The following MAPKAPK5 variants were observed in gnomAD, a reference collection of about 807,000 sequenced individuals.
MAPKAPK5 encodes the protein MAPK activated protein kinase 5, also known as MAP kinase-activated protein kinase 5.
Under a neutral mutation model 65.1 loss-of-function variants are expected in MAPKAPK5, and 30 were observed. The observed-to-expected ratio is 0.46, with a 90% CI of 0.34 to 0.63. MAPKAPK5 has a LOEUF of 0.63. Among genes scored for constraint, MAPKAPK5 ranks in the 20% least tolerant of loss-of-function variants. The pLI is 0.01. For synonymous variants in MAPKAPK5, 179 were observed against 204.6 expected (o/e 0.87, Z 1.07); for missense variants, 433 against 581.4 (o/e 0.74, Z 2.63).
chr12:111,861,035 T>C (rs981115396), intron 1 of MAPKAPK5, among the ~76,000 whole-genome samples: 4 of 151,468 alleles, frequency 2.6e-5, no homozygotes, highest in African/African-American at 7.3e-5. Context: ...GGTGGGCACC[T>C]GTAATACCAG....
intron 4 of MAPKAPK5, among the ~76,000 whole-genome samples, chr12:111,867,924 A>G (rs1348749332): frequency 6.6e-6 from 1 of 152,204 alleles, no homozygotes; most frequent in African/African-American, 2.4e-5. Context: ...TCTTGTGGCC[A>G]GTCTAATTTC....
Position 111,899,666 on chromosome 12 carries a change from G to A in MAPKAPK5, c.*6605G>A, listed in dbSNP as rs368556564. The A allele has an allele frequency of 3.4e-6, 1 of 296,178 alleles. No homozygotes were observed. 18.3% of individuals were successfully genotyped at this position (296,178 alleles called of 1,614,324 possible). A position where few individuals can be genotyped will look rare whatever the true frequency, so the allele number is the denominator to read the frequency against. Reference sequence around the variant, plus strand: ...ACAGTTACCACAATGGCCTCCTGGGGCAAGAATCGCCTTTCATCTCACATG... The same window carrying A: ...ACAGTTACCACAATGGCCTCCTGGGACAAGAATCGCCTTTCATCTCACATG... On this transcript the variant is annotated 3_prime_UTR_variant, in exon 14 of 14. Transcript: ENST00000550735.
chr12:111,856,132 G>A lies in MAPKAPK5; in HGVS notation c.37-9118G>A, dbSNP rs141526459. On this transcript the variant is annotated intron_variant, in intron 1 of 13. Coordinates refer to ENST00000550735, the MANE Select transcript of MAPKAPK5 (RefSeq NM_003668.4). The stretch of plus-strand genomic sequence containing the variant: ...GGCCTCCCAAAGTGCTGGGATTACA[G>A]GCGTGAGCCACTGTGTCCAGTCGTG... Among the ~76,000 whole-genome samples the A allele has an allele frequency of 3.5e-3, 534 of 152,128 alleles. 4 individuals carry two copies. The highest frequency in any genetic ancestry group is 0.012 in the African/African-American group (508 of 41,522).
chr12:111,873,870 G>A (rs538150956), intron 7 of MAPKAPK5, among the ~76,000 whole-genome samples: 73 of 152,244 alleles, frequency 4.8e-4, no homozygotes, highest in Middle Eastern at 3.4e-3. Context: ...TAACAGAAAA[G>A]CCTCCTGGGA....
chr12:111,864,597 C>T (rs1426611669), intron 1 of MAPKAPK5, among the ~76,000 whole-genome samples: 1 of 152,018 alleles, frequency 6.6e-6, no homozygotes, highest in Non-Finnish European at 1.5e-5. Flanking sequence ...AATAGTTAGC[C>T]AAGAATTCCA....
Position 111,868,821 on chromosome 12 carries a change from G to C in MAPKAPK5, c.353G>C (p.Arg118Pro). The C allele has an allele frequency of 6.4e-7, 1 of 1,567,060 alleles. No homozygotes were observed. ...CTATTTCACAGAATCAGCCAGCACC[G>C]GCACTTTACAGAGAAGCAAGCCAGC... ...GELFHRISQH[R>P]HFTEKQASQV... Residue 118 changes from arginine to proline, a missense_variant, in exon 5 of 14, where the codon CGG becomes CCG. By Grantham distance (103) the Arg-to-Pro change is moderately radical (BLOSUM62 -2). Around this residue, in one of 3 missense-constraint regions of MAPKAPK5, gnomAD observed 165 missense variants for 180.0 expected, o/e 0.92. Coordinates refer to ENST00000550735, the MANE Select transcript of MAPKAPK5 (RefSeq NM_003668.4).
chr12:111,849,193 G>C (rs944291127), intron 1 of MAPKAPK5, among the ~76,000 whole-genome samples: 9 of 151,548 alleles, frequency 5.9e-5, no homozygotes, highest in African/African-American at 2.2e-4. Context: ...CGATCTGCCT[G>C]CCTCAGCCTC....
intron 4 of MAPKAPK5, 100 bp from the exon 5 acceptor site, chr12:111,868,653 G>A: frequency 2.3e-6 from 2 of 853,578 alleles, no homozygotes; most frequent in South Asian, 1.6e-5. Flanking sequence ...ACACTTTGTA[G>A]ATGCAGTATC....
chr12:111,864,450 T>G (rs2136102440), intron 1 of MAPKAPK5, among the ~76,000 whole-genome samples: 1 of 152,328 alleles, frequency 6.6e-6, no homozygotes, highest in East Asian at 1.9e-4. Context: ...TCTGCCTGCC[T>G]TGGCCTCCTA....
intron 6 of MAPKAPK5, 85 bp downstream of exon 6, chr12:111,870,445 T>C (rs2069747247): frequency 3.6e-6 from 4 of 1,123,666 alleles, no homozygotes; most frequent in Non-Finnish European, 5.2e-6. Context: ...TCTGAATTCA[T>C]GGTGAAAAAG....
rs1195026912 is a variant in MAPKAPK5, at chr12:111,899,991, C to T, written c.*6930C>T. 8 of 455,924 alleles carry T rather than the reference C, an allele frequency of 1.8e-5. No homozygotes were observed. The highest frequency in any genetic ancestry group is 6.0e-5 in the African/African-American group (3 of 50,050). The allele number at this position is 455,924 out of a possible 1,614,324, so 28.2% of individuals were successfully genotyped here. A position where few individuals can be genotyped will look rare whatever the true frequency, so the allele number is the denominator to read the frequency against. Reference sequence around the variant, plus strand: ...GATGTTTGTCGTGGTCAACAACCAGCGGTTCCAGATGTGGGGCAGTAACGT... The same window carrying T: ...GATGTTTGTCGTGGTCAACAACCAGTGGTTCCAGATGTGGGGCAGTAACGT... On this transcript the variant is annotated 3_prime_UTR_variant, in exon 14 of 14. Coordinates refer to ENST00000550735, the MANE Select transcript of MAPKAPK5 (RefSeq NM_003668.4).
At chr12:111,844,764 T>C (rs1016603299) in intron 1 of MAPKAPK5, among the ~76,000 whole-genome samples, 1 of 152,302 alleles carries the variant, frequency 6.6e-6, no homozygotes, top group South Asian at 2.1e-4. Context: ...GAGGTGACAC[T>C]GTAGAGTTCT....
chr12:111,868,150 C>G (rs1230532545), intron 4 of MAPKAPK5, among the ~76,000 whole-genome samples: 1 of 152,182 alleles, frequency 6.6e-6, no homozygotes, highest in Non-Finnish European at 1.5e-5. Flanking sequence ...CAACATTATT[C>G]TTTTAGTTAC....
rs1197137688 is a variant in MAPKAPK5, at chr12:111,902,026, ATT to A, written c.*8967_*8968del. 1 of 152,500 alleles carries A rather than the reference ATT, an allele frequency of 6.6e-6. No homozygotes were observed. Among genetic ancestry groups the A allele is most frequent in the African/African-American group, 2.4e-5 (1 of 41,428 alleles). 9.4% of individuals were successfully genotyped at this position (152,500 alleles called of 1,614,324 possible). ...ACTTTTTCAGGACATGCTATCTTCTATTTGTTTGACATACAGAATCATATGTA... is the reference window on the plus strand; with the variant it reads ...ACTTTTTCAGGACATGCTATCTTCTATGTTTGACATACAGAATCATATGTA... On this transcript the variant is annotated 3_prime_UTR_variant, in exon 14 of 14. Coordinates refer to ENST00000550735, the MANE Select transcript of MAPKAPK5 (RefSeq NM_003668.4).
chr12:111,853,826 C>T (rs534145900), intron 1 of MAPKAPK5, among the ~76,000 whole-genome samples: 52 of 152,260 alleles, frequency 3.4e-4, no homozygotes, highest in South Asian at 1.2e-3. Flanking sequence ...TAAGCCACTA[C>T]GCCCGGCCTG....
chr12:111,892,466 T>G (rs1028834821), intron 13 of MAPKAPK5, among the ~76,000 whole-genome samples: 1 of 152,204 alleles, frequency 6.6e-6, no homozygotes, highest in South Asian at 2.1e-4. Context: ...TTAAAAAATC[T>G]TCGTTATCCT....
rs919138608 is a variant in MAPKAPK5, at chr12:111,894,764, A to ATATG, written c.*1705_*1708dup. 2 of 109,530 alleles carry ATATG rather than the reference A, an allele frequency of 1.8e-5. No homozygotes were observed. Among genetic ancestry groups the ATATG allele is most frequent in the Admixed American group, 1.9e-4 (2 of 10,510 alleles). The allele number at this position is 109,530 out of a possible 1,614,324, so 6.8% of individuals were successfully genotyped here. A position where few individuals can be genotyped will look rare whatever the true frequency, so the allele number is the denominator to read the frequency against. On this transcript the variant is annotated 3_prime_UTR_variant, in exon 14 of 14. Coordinates refer to ENST00000550735, the MANE Select transcript of MAPKAPK5 (RefSeq NM_003668.4). ...TTCCATAACAAACCAATTTTCGTGT[A>ATATG]TATGTGTGTGTGTGTGTGTGTGTGT... is the stretch of plus-strand genomic sequence containing the variant.
rs889824051 is a variant in MAPKAPK5, at chr12:111,900,598, C to T, written c.*7537C>T. 5 of 455,990 alleles carry T rather than the reference C, an allele frequency of 1.1e-5. No homozygotes were observed. The highest frequency in any genetic ancestry group is 4.7e-5 in the Admixed American group (2 of 42,554). The allele number at this position is 455,990 out of a possible 1,614,324, so 28.2% of individuals were successfully genotyped here. A position where few individuals can be genotyped will look rare whatever the true frequency, so the allele number is the denominator to read the frequency against. The stretch of plus-strand genomic sequence containing the variant: ...TGTGGAAATGGTGTGGTGGAGGACA[C>T]GGAGCAGTGTGACTGTGGTTCTCTA... On this transcript the variant is annotated 3_prime_UTR_variant, in exon 14 of 14. Coordinates refer to ENST00000550735, the MANE Select transcript of MAPKAPK5 (RefSeq NM_003668.4).
intron 7 of MAPKAPK5, among the ~76,000 whole-genome samples, chr12:111,877,524 C>T (rs1343395195): frequency 6.6e-6 from 1 of 152,012 alleles, no homozygotes; most frequent in African/African-American, 2.4e-5. Flanking sequence ...TGATGTCTGC[C>T]ATCTTTTCTT....
Sources: allele counts gnomAD v4.1 joint callset (sites outside exome capture counted in the v4.1 genomes callset), GRCh38; gene constraint gnomAD v4.1.1; regional missense constraint gnomAD v4.1.1; transcripts MANE v1.5; gene names NCBI Gene and HGNC (gene_info 2026-07-23, HGNC 2026-07-21).